Variants in ATXN1 observed in about 807,000 individuals in gnomAD.
ATXN1 encodes ataxin 1.
ATXN1 carries 8 observed loss-of-function variants against 56.4 expected under a neutral mutation model. The ratio of observed to expected loss-of-function variants is 0.14; its 90% CI spans 0.08 to 0.26. The LOEUF (loss-of-function observed/expected upper bound fraction) is 0.26. Among genes scored for constraint, ATXN1 ranks in the 10% least tolerant of loss-of-function variants. The pLI is 1.00. For missense variants in ATXN1, 987 were observed against 1,106.5 expected, an observed-to-expected ratio of 0.89 and a Z score of 1.53; for synonymous variants, 514 against 494.6, an observed-to-expected ratio of 1.04 and a Z score of -0.52.
chr6:16,572,496 C>T (rs1233008484), intron 4 of ATXN1, among the ~76,000 whole-genome samples: 2 of 152,126 alleles, frequency 1.3e-5, no homozygotes, highest in Admixed American at 6.5e-5. Flanking sequence ...TCTGTGAGGG[C>T]TAACAGGCTA....
At chr6:16,675,347 T>TA (rs1478063311) in intron 2 of ATXN1, among the ~76,000 whole-genome samples, 1 of 152,198 alleles carries the variant, frequency 6.6e-6, no homozygotes, top group African/African-American at 2.4e-5. Context: ...CATAGTCCCA[T>TA]AAAATCTGAA....
intron 3 of ATXN1, among the ~76,000 whole-genome samples, chr6:16,591,615 A>G (rs919532197): frequency 3.3e-5 from 5 of 152,130 alleles, no homozygotes; most frequent in African/African-American, 1.2e-4. Flanking sequence ...CCTTTGTGAC[A>G]TGCTCCCATA....
At chr6:16,466,538 C>T (rs1223146432) in intron 6 of ATXN1, among the ~76,000 whole-genome samples, 2 of 152,086 alleles carry the variant, frequency 1.3e-5, no homozygotes, top group African/African-American at 2.4e-5. Flanking sequence ...TTCACTCTTA[C>T]ATTCATATAC....
At chr6:16,564,098 G>T (rs1336643951) in intron 4 of ATXN1, among the ~76,000 whole-genome samples, 1 of 152,166 alleles carries the variant, frequency 6.6e-6, no homozygotes, top group East Asian at 1.9e-4. Flanking sequence ...TCCAGGCTTA[G>T]CAGCCTCTCT....
At chr6:16,633,601 C>A in intron 3 of ATXN1, among the ~76,000 whole-genome samples, 1 of 152,192 alleles carries the variant, frequency 6.6e-6, no homozygotes, top group African/African-American at 2.4e-5. Flanking sequence ...ACCTCCCCTC[C>A]CTGAGGTTCC....
At chr6:16,666,036 G>T (rs905530681) in intron 2 of ATXN1, among the ~76,000 whole-genome samples, 1 of 152,042 alleles carries the variant, frequency 6.6e-6, no homozygotes. Flanking sequence ...ATAAGTTATT[G>T]TTAACTATTG....
chr6:16,624,935 G>T (rs1304734807), intron 3 of ATXN1, among the ~76,000 whole-genome samples: 1 of 152,098 alleles, frequency 6.6e-6, no homozygotes. Flanking sequence ...GCCACTGATC[G>T]CAGAATGCAT....
intron 4 of ATXN1, among the ~76,000 whole-genome samples, chr6:16,570,472 T>A (rs1762312691): frequency 6.6e-6 from 1 of 152,176 alleles, no homozygotes; most frequent in East Asian, 1.9e-4. Flanking sequence ...TTCCTATCAT[T>A]TCCAGGTTTC....
intron 6 of ATXN1, among the ~76,000 whole-genome samples, chr6:16,359,815 C>T (rs970280129): frequency 1.3e-5 from 2 of 151,974 alleles, no homozygotes; most frequent in African/African-American, 4.8e-5. Context: ...AAATTGACAC[C>T]CCAGAGATCC....
chr6:16,327,675 CTGA>C lies in ATXN1; in HGVS notation c.633_635del (p.His211del), dbSNP rs759132871. 9,667 of 1,491,270 alleles carry C rather than the reference CTGA, an allele frequency of 6.5e-3. 36 individuals are homozygous for C. The highest frequency in any genetic ancestry group is 0.029 in the East Asian group (865 of 30,006). 92.4% of individuals were successfully genotyped at this position (1,491,270 alleles called of 1,614,324 possible). ...GCTGCTGCTGCTGCTGCTGCTGCTG[CTGA>C]TGCTGATGCTGCTGCTGCTGCTGCT... On this transcript the variant is annotated inframe_deletion, in exon 7 of 8. Transcript: ENST00000436367.
intron 6 of ATXN1, among the ~76,000 whole-genome samples, chr6:16,436,516 C>T (rs183717759): frequency 8.5e-4 from 129 of 152,178 alleles, no homozygotes; most frequent in Admixed American, 3.9e-3. Context: ...CAAAAAAGAC[C>T]TCACAGAGAC....
intron 6 of ATXN1, among the ~76,000 whole-genome samples, chr6:16,337,910 A>G (rs2113433947): frequency 6.6e-6 from 1 of 152,368 alleles, no homozygotes; most frequent in South Asian, 2.1e-4. Context: ...AACTGGGGTC[A>G]GGAGGATGAG....
At chr6:16,698,191 C>T (rs1377895867) in intron 2 of ATXN1, among the ~76,000 whole-genome samples, 1 of 152,232 alleles carries the variant, frequency 6.6e-6, no homozygotes, top group East Asian at 1.9e-4. Context: ...TTCATTTAAA[C>T]AGCACCTAAA....
intron 6 of ATXN1, among the ~76,000 whole-genome samples, chr6:16,347,952 C>T (rs1038820615): frequency 1.3e-5 from 2 of 152,206 alleles, no homozygotes; most frequent in Admixed American, 6.5e-5. Flanking sequence ...TGAGCTATAA[C>T]ACTCACCGGA....
chr6:16,735,479 G>C (rs1232262270), intron 2 of ATXN1, among the ~76,000 whole-genome samples: 1 of 152,186 alleles, frequency 6.6e-6, no homozygotes, highest in African/African-American at 2.4e-5. Context: ...ATGCCCAAAT[G>C]AATGGAGGAA....
rs765068848 is a variant in ATXN1, at chr6:16,328,957, AC to A, written c.-160-488del. 2.6e-5 allele frequency among the ~76,000 whole-genome samples: 4 copies of A among 152,038 alleles called. No homozygotes were observed. Among genetic ancestry groups the A allele is most frequent in the East Asian group, 3.9e-4 (2 of 5,186 alleles). On this transcript the variant is annotated intron_variant, in intron 6 of 7. Coordinates refer to ENST00000436367, the MANE Select transcript of ATXN1 (RefSeq NM_001128164.2). This position sits in a 1 kb window ranked among gnomAD's most constrained non-coding sequence, Gnocchi z 6.2. ...ACGAAACAAAACAACAACAACAAAA[AC>A]AAAAACACTAGCCGTGGCAGCTGCA...
chr6:16,594,457 C>T (rs1384638715), intron 3 of ATXN1, among the ~76,000 whole-genome samples: 1 of 151,314 alleles, frequency 6.6e-6, no homozygotes, highest in Non-Finnish European at 1.5e-5. Context: ...GTTACAGGCT[C>T]AAATTCCTTT....
chr6:16,578,100 T>A (rs937397763), intron 4 of ATXN1, among the ~76,000 whole-genome samples: 3 of 152,222 alleles, frequency 2.0e-5, no homozygotes, highest in African/African-American at 7.2e-5. Flanking sequence ...TAGTAGACTC[T>A]ATAAATTCTG....
At chr6:16,334,997 G>T (rs1182229286) in intron 6 of ATXN1, among the ~76,000 whole-genome samples, 1 of 152,214 alleles carries the variant, frequency 6.6e-6, no homozygotes, top group African/African-American at 2.4e-5. Flanking sequence ...ATGAGTCAGG[G>T]ATCTCTGGGT....
Sources: gnomAD v4.1 joint callset for allele counts (sites outside exome capture counted in the v4.1 genomes callset) on GRCh38, gnomAD v4.1.1 for gene constraint, Gnocchi (gnomAD v3.1) non-coding constraint, MANE v1.5 for transcripts, NCBI Gene and HGNC (gene_info 2026-07-23, HGNC 2026-07-21) for gene names.